Variants in KDM2A observed in about 807,000 individuals in gnomAD.
KDM2A encodes lysine-specific demethylase 2A.
In KDM2A, 3 loss-of-function variants were observed where a neutral mutation model predicts 137.3. That is an observed-to-expected ratio of 0.02 (90% CI 0.01 to 0.06). The LOEUF (loss-of-function observed/expected upper bound fraction) is 0.06, where lower values mean the gene tolerates loss of function less well. Among genes scored for constraint, KDM2A ranks in the 10% least tolerant of loss-of-function variants. The pLI is 1.00. For missense variants in KDM2A, 738 were observed against 1,510.6 expected (o/e 0.49, Z 8.48); for synonymous variants, 512 against 541.5 (o/e 0.95, Z 0.76).
At chr11:67,198,314 G>GT (rs1308685729) in intron 5 of KDM2A, among the ~76,000 whole-genome samples, 3 of 143,002 alleles carry the variant, frequency 2.1e-5, no homozygotes, top group African/African-American at 8.0e-5. Flanking sequence ...TGCAGATAGT[G>GT]TATTTTTTTT....
At chr11:67,232,027 G>C in intron 12 of KDM2A, 67 bp downstream of exon 12, 2 of 1,478,480 alleles carry the variant, frequency 1.4e-6, no homozygotes, top group Non-Finnish European at 1.8e-6. Context: ...CAGATTCAGA[G>C]GGAGAAAATA....
intron 17 of KDM2A, among the ~76,000 whole-genome samples, chr11:67,252,045 T>G (rs1056034800): frequency 6.6e-6 from 1 of 152,178 alleles, no homozygotes; most frequent in Non-Finnish European, 1.5e-5. Context: ...GCCTGTAGAT[T>G]TGTAGACTGC....
intron 2 of KDM2A, among the ~76,000 whole-genome samples, chr11:67,126,154 G>C (rs1041828287): frequency 4.6e-5 from 7 of 151,066 alleles, no homozygotes; most frequent in African/African-American, 1.7e-4. Context: ...GCTGAGGCAG[G>C]AGAATCGCTT....
intron 5 of KDM2A, among the ~76,000 whole-genome samples, chr11:67,186,335 C>T (rs1857206810): frequency 6.6e-6 from 1 of 152,172 alleles, no homozygotes. Flanking sequence ...GGCCAGGAGG[C>T]AGTGAGCCAG....
intron 5 of KDM2A, among the ~76,000 whole-genome samples, chr11:67,197,996 TAA>T (rs11416399): frequency 7.9e-5 from 12 of 152,168 alleles, no homozygotes; most frequent in Admixed American, 1.3e-4. Flanking sequence ...TAAAGTAAGA[TAA>T]AAATTCCTTA....
At chr11:67,251,899 G>A (rs1157578376) in intron 17 of KDM2A, among the ~76,000 whole-genome samples, 1 of 152,224 alleles carries the variant, frequency 6.6e-6, no homozygotes, top group African/African-American at 2.4e-5. Context: ...TAATAGGACT[G>A]CTTGGCTCTA....
At position 67,255,282 on chromosome 11, in the gene KDM2A, GA is replaced by G; in HGVS notation, c.*228del. ...GGAAAAGGGAGTAGCAGATTGATCT[GA>G]GGGGAAAGCACAGGCTGTGCTGTCG... is the stretch of plus-strand genomic sequence containing the variant. On this transcript the variant is annotated 3_prime_UTR_variant, in exon 21 of 21. Coordinates refer to ENST00000529006, the MANE Select transcript of KDM2A (RefSeq NM_012308.3). 2 of 565,776 alleles carry G rather than the reference GA, an allele frequency of 3.5e-6. No homozygotes were observed. The highest frequency in any genetic ancestry group is 6.4e-6 in the Non-Finnish European group (2 of 313,994). The allele number at this position is 565,776 out of a possible 1,614,324, so 35.0% of individuals were successfully genotyped here.
chr11:67,245,798 G>GT lies in KDM2A; in HGVS notation c.1834-185dup, dbSNP rs1056904029. ...TAAACTAGTCTCTGGTGCCCAGGTGGTTGAGTCCTCCTCTTCCCCAGTCAT... is the reference window on the plus strand; with the variant it reads ...TAAACTAGTCTCTGGTGCCCAGGTGGTTTGAGTCCTCCTCTTCCCCAGTCAT... On this transcript the variant is annotated intron_variant, in intron 14 of 20. Coordinates refer to ENST00000529006, the MANE Select transcript of KDM2A (RefSeq NM_012308.3). The surrounding 1 kb of genome is among the most constrained non-coding windows in gnomAD (Gnocchi z 4.1). 3.1e-5 allele frequency: 21 copies of GT among 673,828 alleles called. No individual in the cohort carries two copies. Among genetic ancestry groups the GT allele is most frequent in the Non-Finnish European group, 4.7e-5 (19 of 408,582 alleles). The allele number at this position is 673,828 out of a possible 1,614,324, so 41.7% of individuals were successfully genotyped here.
At chr11:67,240,011 C>G (rs1858979014) in intron 12 of KDM2A, 1 of 1,279,522 alleles carries the variant, frequency 7.8e-7, no homozygotes. Context: ...GCCTGGCTCG[C>G]TCACTCTCGC....
intron 2 of KDM2A, 21 bp from the exon 3 acceptor site, chr11:67,180,058 G>A (rs781005975): frequency 1.9e-6 from 3 of 1,606,512 alleles, no homozygotes; most frequent in East Asian, 2.2e-5. Context: ...GATTTCATCA[G>A]TATGTTCCTT....
At chr11:67,169,761 T>C (rs201500981) in intron 2 of KDM2A, among the ~76,000 whole-genome samples, 24 of 41,812 alleles carry the variant, frequency 5.7e-4, no homozygotes, top group Admixed American at 2.4e-3. Flanking sequence ...CTCTCTCTCT[T>C]TTTTTTTTTT....
Position 67,250,761 on chromosome 11 carries a change from T to A in KDM2A, c.2731T>A (p.Cys911Ser). 1 of 1,542,776 alleles carries A rather than the reference T, an allele frequency of 6.5e-7. No homozygotes were observed. Among genetic ancestry groups the A allele is most frequent in the Non-Finnish European group, 8.7e-7 (1 of 1,143,846 alleles). The change falls in exon 17 of 21, where the codon TGT becomes AGT. Residue 911 changes from cysteine to serine, a missense_variant. Around this residue, in one of 9 missense-constraint regions of KDM2A, gnomAD observed 244 missense variants for 324.6 expected, o/e 0.75. Coordinates refer to ENST00000529006, the MANE Select transcript of KDM2A (RefSeq NM_012308.3). The surrounding 1 kb of genome is among the most constrained non-coding windows in gnomAD (Gnocchi z 7.1). ...VFRYLSRREL[C>S]ECMRVCKTWY... is the part of the protein sequence containing the mutation. The stretch of plus-strand genomic sequence containing the variant: ...CCGCTACCTCAGCCGCAGAGAACTT[T>A]GTGAATGTATGCGAGTGTGCAAGAC...
intron 10 of KDM2A, among the ~76,000 whole-genome samples, chr11:67,226,832 G>A (rs977491093): frequency 6.6e-6 from 1 of 152,108 alleles, no homozygotes; most frequent in Non-Finnish European, 1.5e-5. Flanking sequence ...AAAGGGAAAT[G>A]GGTTAATAAA....
At chr11:67,133,006 G>C (rs1855886655) in intron 2 of KDM2A, among the ~76,000 whole-genome samples, 1 of 152,240 alleles carries the variant, frequency 6.6e-6, no homozygotes, top group African/African-American at 2.4e-5. Context: ...CTGATGGATA[G>C]CAGCATGTTA....
At chr11:67,167,268 C>T (rs1435243694) in intron 2 of KDM2A, among the ~76,000 whole-genome samples, 1 of 152,148 alleles carries the variant, frequency 6.6e-6, no homozygotes, top group Non-Finnish European at 1.5e-5. Flanking sequence ...TTGATAGCCA[C>T]ATTTTGTTGT....
intron 12 of KDM2A, 145 bp downstream of exon 12, chr11:67,232,105 G>A: frequency 1.3e-6 from 1 of 764,922 alleles, no homozygotes; most frequent in East Asian, 2.5e-5. Context: ...TGTTATTGCT[G>A]CTCAGTGTTT....
intron 2 of KDM2A, among the ~76,000 whole-genome samples, chr11:67,136,761 T>C (rs746307297): frequency 1.3e-5 from 2 of 152,074 alleles, no homozygotes; most frequent in South Asian, 4.1e-4. Flanking sequence ...AATGAGAAAA[T>C]AATACTAAGC....
Position 67,121,262 on chromosome 11 carries a change from A to C in KDM2A, c.-55A>C, listed in dbSNP as rs1355194131. On this transcript the variant is annotated 5_prime_UTR_variant, in exon 2 of 21. Transcript: ENST00000529006. Reference sequence around the variant, plus strand: ...TGCAATCTGGTTCCTAAGGAGGAAGAGGAAGGCAGCCCTGGAGTGGTTTCT... The same window carrying C: ...TGCAATCTGGTTCCTAAGGAGGAAGCGGAAGGCAGCCCTGGAGTGGTTTCT... 23 of 1,427,720 alleles carry C rather than the reference A, an allele frequency of 1.6e-5. No homozygotes were observed. The highest frequency in any genetic ancestry group is 2.3e-5 in the Non-Finnish European group (23 of 1,012,908). The allele number at this position is 1,427,720 out of a possible 1,614,324, so 88.4% of individuals were successfully genotyped here. A position where few individuals can be genotyped will look rare whatever the true frequency, so the allele number is the denominator to read the frequency against.
chr11:67,175,610 G>T (rs1403999830), intron 2 of KDM2A, among the ~76,000 whole-genome samples: 1 of 152,164 alleles, frequency 6.6e-6, no homozygotes, highest in East Asian at 1.9e-4. Context: ...AGGTGTAAAT[G>T]GAAGAATTTA....
Sources: gnomAD v4.1 joint callset for allele counts (sites outside exome capture counted in the v4.1 genomes callset) on GRCh38, gnomAD v4.1.1 for gene constraint, gnomAD v4.1.1 regional missense constraint, Gnocchi (gnomAD v3.1) non-coding constraint, MANE v1.5 for transcripts, NCBI Gene and HGNC (gene_info 2026-07-23, HGNC 2026-07-21) for gene names.